Variants in GRIN2A observed in about 807,000 individuals in gnomAD.
GRIN2A encodes glutamate ionotropic receptor NMDA type subunit 2A.
GRIN2A carries 22 observed loss-of-function variants against 113.4 expected under a neutral mutation model. That is an observed-to-expected ratio of 0.19 (90% CI 0.14 to 0.28). The LOEUF (loss-of-function observed/expected upper bound fraction) is 0.28, where lower values mean the gene tolerates loss of function less well. Ranked by LOEUF, GRIN2A falls within the 10% of genes least tolerant of loss-of-function variation. GRIN2A has a pLI of 1.00. For synonymous variants in GRIN2A, 827 were observed against 738.4 expected, an observed-to-expected ratio of 1.12 and a Z score of -1.94; for missense variants, 1,502 against 1,887.0, an observed-to-expected ratio of 0.80 and a Z score of 3.78.
chr16:9,844,631 C>G (rs2042740259), intron 5 of GRIN2A, among the ~76,000 whole-genome samples: 1 of 152,158 alleles, frequency 6.6e-6, no homozygotes, highest in African/African-American at 2.4e-5. Context: ...CTACAATTTC[C>G]CAGTATAGCC....
At chr16:9,950,650 G>C (rs1257138287) in intron 2 of GRIN2A, among the ~76,000 whole-genome samples, 3 of 152,222 alleles carry the variant, frequency 2.0e-5, no homozygotes, top group African/African-American at 4.8e-5. Flanking sequence ...TGCAGGAGCA[G>C]AGTCCCAGCC....
intron 2 of GRIN2A, among the ~76,000 whole-genome samples, chr16:10,036,319 C>A (rs920768849): frequency 2.6e-5 from 4 of 151,970 alleles, no homozygotes; most frequent in Non-Finnish European, 4.4e-5. Flanking sequence ...GTGGTTCCCT[C>A]TGGAGTCTCT....
chr16:9,979,818 T>TATATATATATATAC, intron 2 of GRIN2A, among the ~76,000 whole-genome samples: 1 of 134,372 alleles, frequency 7.4e-6, no homozygotes, highest in Middle Eastern at 4.0e-3. Flanking sequence ...TATATGTATA[T>TATATATATATATAC]GTATGTATTT....
chr16:10,111,166 A>G (rs895279747), intron 2 of GRIN2A, among the ~76,000 whole-genome samples: 3 of 152,238 alleles, frequency 2.0e-5, no homozygotes, highest in African/African-American at 7.2e-5. Context: ...CAGTAAATAT[A>G]AAGGTTTATG....
chr16:9,800,937 G>A (rs975149339), intron 10 of GRIN2A, among the ~76,000 whole-genome samples: 2 of 152,208 alleles, frequency 1.3e-5, no homozygotes, highest in African/African-American at 4.8e-5. Flanking sequence ...AATGGGAGTA[G>A]GGTGTGTAAC....
At chr16:9,996,354 C>T (rs999953791) in intron 2 of GRIN2A, among the ~76,000 whole-genome samples, 1 of 152,196 alleles carries the variant, frequency 6.6e-6, no homozygotes, top group Non-Finnish European at 1.5e-5. Flanking sequence ...CACTCCCTCC[C>T]ACGATGCAGG....
chr16:10,040,397 A>G (rs2047139727), intron 2 of GRIN2A, among the ~76,000 whole-genome samples: 1 of 151,686 alleles, frequency 6.6e-6, no homozygotes, highest in South Asian at 2.1e-4. Context: ...CACCACAAAT[A>G]CACCCACAAA....
intron 2 of GRIN2A, among the ~76,000 whole-genome samples, chr16:10,003,913 C>T (rs372431021): frequency 6.6e-5 from 10 of 152,268 alleles, no homozygotes; most frequent in African/African-American, 1.9e-4. Flanking sequence ...TGCAGTCACA[C>T]GTCCGCATTG....
rs116145567 is a variant in GRIN2A, at chr16:9,864,093, A to T, written c.1123-14132T>A. 8.3e-3 allele frequency among the ~76,000 whole-genome samples: 1,266 copies of T among 152,328 alleles called. 21 individuals are homozygous for T. Among genetic ancestry groups the T allele is most frequent in the African/African-American group, 0.029 (1,196 of 41,572 alleles). ...ACCTGCATAAAGACAATTTAGAAATATGGTAAAGGTTTTTGTTTGACCTTC... is the reference window on the plus strand; with the variant it reads ...ACCTGCATAAAGACAATTTAGAAATTTGGTAAAGGTTTTTGTTTGACCTTC... On this transcript the variant is annotated intron_variant, in intron 4 of 12. Coordinates refer to ENST00000330684, the MANE Select transcript of GRIN2A (RefSeq NM_001134407.3).
intron 4 of GRIN2A, among the ~76,000 whole-genome samples, chr16:9,879,867 T>A (rs2043442759): frequency 6.6e-6 from 1 of 152,248 alleles, no homozygotes; most frequent in African/African-American, 2.4e-5. Context: ...TGTTGTTCTC[T>A]CATCTCAAGC....
At chr16:10,011,617 G>C (rs976850017) in intron 2 of GRIN2A, among the ~76,000 whole-genome samples, 3 of 152,166 alleles carry the variant, frequency 2.0e-5, no homozygotes, top group Non-Finnish European at 4.4e-5. Flanking sequence ...TCCCTAGAGA[G>C]GCTCTCCTTA....
chr16:10,110,480 G>A (rs1378747104), intron 2 of GRIN2A, among the ~76,000 whole-genome samples: 1 of 152,244 alleles, frequency 6.6e-6, no homozygotes, highest in African/African-American at 2.4e-5. Flanking sequence ...CAAGTGGCAA[G>A]GGGGCAAAGT....
At chr16:10,064,614 T>C (rs2047612656) in intron 2 of GRIN2A, among the ~76,000 whole-genome samples, 1 of 152,238 alleles carries the variant, frequency 6.6e-6, no homozygotes, top group Non-Finnish European at 1.5e-5. Flanking sequence ...TCTAATGCTA[T>C]TTGAAATGGC....
chr16:10,045,482 G>T (rs750697525), intron 2 of GRIN2A, among the ~76,000 whole-genome samples: 2 of 151,970 alleles, frequency 1.3e-5, no homozygotes, highest in African/African-American at 4.8e-5. Context: ...CTCTGGCTAC[G>T]TGAGAGAGAG....
intron 2 of GRIN2A, among the ~76,000 whole-genome samples, chr16:10,065,812 G>A (rs2047637801): frequency 6.6e-6 from 1 of 152,140 alleles, no homozygotes; most frequent in Non-Finnish European, 1.5e-5. Context: ...TTCATGGGAG[G>A]TTGACCCTCT....
At chr16:9,829,700 C>T (rs11575876) in intron 8 of GRIN2A, 48 bp from the exon 9 acceptor site, 232 of 1,398,956 alleles carry the variant, frequency 1.7e-4, no homozygotes, top group Non-Finnish European at 2.2e-4. Context: ...AAAAAAATGC[C>T]TGTTTGTGTA....
intron 3 of GRIN2A, among the ~76,000 whole-genome samples, chr16:9,894,477 C>A (rs1375279938): frequency 6.6e-6 from 1 of 152,138 alleles, no homozygotes; most frequent in Non-Finnish European, 1.5e-5. Flanking sequence ...CTTCCTTCTC[C>A]CCTTTGATGT....
intron 10 of GRIN2A, among the ~76,000 whole-genome samples, chr16:9,819,260 C>T (rs1426097008): frequency 1.3e-5 from 2 of 152,112 alleles, no homozygotes; most frequent in Non-Finnish European, 2.9e-5. Context: ...TGACTCACTC[C>T]TGTAATCCCA....
intron 2 of GRIN2A, among the ~76,000 whole-genome samples, chr16:9,972,689 C>A (rs1182356307): frequency 3.3e-5 from 5 of 152,122 alleles, no homozygotes; most frequent in African/African-American, 1.2e-4. Context: ...GAAGATAGAT[C>A]AATAGAAATG....
Sources: gnomAD v4.1 joint callset for allele counts (sites outside exome capture counted in the v4.1 genomes callset) on GRCh38, gnomAD v4.1.1 for gene constraint, MANE v1.5 for transcripts, NCBI Gene and HGNC (gene_info 2026-07-23, HGNC 2026-07-21) for gene names.